Variants in TM6SF1 observed in about 807,000 individuals in gnomAD.
TM6SF1 encodes the protein transmembrane 6 superfamily member 1.
Under a neutral mutation model 47.1 loss-of-function variants are expected in TM6SF1, and 43 were observed. The observed-to-expected ratio is 0.91, with a 90% confidence interval of 0.72 to 1.18. The LOEUF is 1.18. Ranked by LOEUF, TM6SF1 falls within the 50% of genes most tolerant of loss-of-function variation. TM6SF1 has a pLI of 0.00. For missense variants in TM6SF1, 390 were observed against 449.0 expected (o/e 0.87, Z 1.19); for synonymous variants, 177 against 166.3 (o/e 1.06, Z -0.49).
At chr15:83,124,511 G>A (rs1002311029) in intron 6 of TM6SF1, among the ~76,000 whole-genome samples, 161 bp from the exon 7 acceptor site, 6 of 152,122 alleles carry the variant, frequency 3.9e-5, no homozygotes, top group African/African-American at 7.2e-5. Context: ...TGAGACTTGA[G>A]GAAGGAAATG....
At chr15:83,124,882 A>C (rs1038358790) in intron 7 of TM6SF1, 106 bp downstream of exon 7, 1 of 963,012 alleles carries the variant, frequency 1.0e-6, no homozygotes, top group African/African-American at 1.6e-5. Flanking sequence ...ACTTCTTAGC[A>C]AACTAACAAA....
intron 9 of TM6SF1, chr15:83,130,191 A>G (rs1447345253): frequency 1.3e-5 from 2 of 152,344 alleles, no homozygotes; most frequent in African/African-American, 4.8e-5. Context: ...AAACCTAGGC[A>G]AAAGCCTAGT....
intron 7 of TM6SF1, among the ~76,000 whole-genome samples, chr15:83,125,522 C>T (rs1596507480): frequency 6.6e-6 from 1 of 152,172 alleles, no homozygotes; most frequent in African/African-American, 2.4e-5. Flanking sequence ...AAATAATGTA[C>T]ATCAAACACT....
intron 9 of TM6SF1, chr15:83,129,193 C>T (rs1298143886): frequency 6.6e-6 from 1 of 152,198 alleles, no homozygotes; most frequent in Non-Finnish European, 1.5e-5. Flanking sequence ...TCCGCTGCCC[C>T]TACACTAGTC....
intron 9 of TM6SF1, chr15:83,135,798 C>A (rs187068224): frequency 1.3e-5 from 2 of 152,254 alleles, no homozygotes; most frequent in East Asian, 3.9e-4. Context: ...TGTACATTTG[C>A]CATTTTACAA....
chr15:83,110,858 T>C (rs973006617), intron 1 of TM6SF1, among the ~76,000 whole-genome samples: 1 of 152,190 alleles, frequency 6.6e-6, no homozygotes, highest in Non-Finnish European at 1.5e-5. Context: ...CATTCTTTTT[T>C]AAAAAATGTA....
At chr15:83,121,503 A>G (rs999865438) in intron 4 of TM6SF1, among the ~76,000 whole-genome samples, 6 of 152,232 alleles carry the variant, frequency 3.9e-5, no homozygotes, top group Admixed American at 6.5e-5. Context: ...GTGACCCCAG[A>G]AAAAGTCCAT....
Position 83,124,692 on chromosome 15 carries a change from GAA to G in TM6SF1, c.626_627del (p.Lys209ArgfsTer8). ...TTTAGGTTATTCAAGAAGCCCAAGC[GAA>G]AGACCTGCTGAGAAGACCATTTGAT... ...PSKVIQEAQA[K>X]DLLRRPFDLM... On this transcript the variant is annotated frameshift_variant, in exon 7 of 10. Transcript: ENST00000322019. LOFTEE classifies it high-confidence loss of function. The G allele has an allele frequency of 6.2e-7, 1 of 1,613,998 alleles. No individual in the cohort carries two copies. The highest frequency in any genetic ancestry group is 2.2e-5 in the East Asian group (1 of 44,862).
chr15:83,117,586 G>A (rs2034788348), intron 3 of TM6SF1, among the ~76,000 whole-genome samples: 2 of 152,074 alleles, frequency 1.3e-5, no homozygotes, highest in Admixed American at 6.5e-5. Context: ...GGAAGGAGGC[G>A]GCTGACGAGA....
At chr15:83,135,685 A>G (rs1315546321) in intron 9 of TM6SF1, 2 of 152,334 alleles carry the variant, frequency 1.3e-5, no homozygotes, top group African/African-American at 4.8e-5. Context: ...TGTTTTCTGA[A>G]TAAGTATATA....
chr15:83,116,341 T>C (rs1456497254), intron 3 of TM6SF1, among the ~76,000 whole-genome samples: 1 of 152,152 alleles, frequency 6.6e-6, no homozygotes, highest in Non-Finnish European at 1.5e-5. Context: ...ATGAAGTCAT[T>C]TGATTGTGAT....
chr15:83,113,070 T>C, intron 2 of TM6SF1, 170 bp downstream of exon 2: 1 of 628,984 alleles, frequency 1.6e-6, no homozygotes, highest in Non-Finnish European at 2.8e-6. Context: ...CTATTGCCTC[T>C]CAGGCAGTGG....
At chr15:83,121,237 A>T (rs1278220616) in intron 4 of TM6SF1, among the ~76,000 whole-genome samples, 2 of 139,480 alleles carry the variant, frequency 1.4e-5, no homozygotes, top group African/African-American at 2.6e-5. Context: ...TGCCCAGCTA[A>T]TTTTTTTTTT....
In TM6SF1 at chr15:83,107,646, G is replaced by T; in HGVS notation, c.-35G>T. 1 of 1,480,932 alleles carries T rather than the reference G, an allele frequency of 6.8e-7. No homozygotes were observed. Among genetic ancestry groups the T allele is most frequent in the Non-Finnish European group, 9.0e-7 (1 of 1,112,818 alleles). 91.7% of individuals were successfully genotyped at this position (1,480,932 alleles called of 1,614,324 possible). ...GGAAGCTGGGGCGGGGCGCCCAGCGGGATGCGGTGAAGGGCGAGCGGCGCG... is the reference window on the plus strand; with the variant it reads ...GGAAGCTGGGGCGGGGCGCCCAGCGTGATGCGGTGAAGGGCGAGCGGCGCG... On this transcript the variant is annotated 5_prime_UTR_variant, in exon 1 of 10. Transcript: ENST00000322019. This position sits in a 1 kb window ranked among gnomAD's most constrained non-coding sequence, Gnocchi z 5.6.
intron 1 of TM6SF1, 122 bp from the exon 2 acceptor site, chr15:83,112,675 C>T: frequency 1.3e-6 from 1 of 744,358 alleles, no homozygotes; most frequent in Middle Eastern, 3.2e-4. Context: ...GAGCTGCAGG[C>T]AGAGGCAGAA....
chr15:83,132,708 A>G (rs2036337289), intron 9 of TM6SF1: 1 of 152,110 alleles, frequency 6.6e-6, no homozygotes. Flanking sequence ...AGTAAATTTC[A>G]TACGGTTTTT....
intron 4 of TM6SF1, among the ~76,000 whole-genome samples, chr15:83,120,656 C>T (rs906233316): frequency 3.3e-5 from 5 of 150,876 alleles, no homozygotes; most frequent in Non-Finnish European, 5.9e-5. Flanking sequence ...CTGCAATCTC[C>T]GCCTCCCAGG....
At chr15:83,128,402 G>A (rs764341861) in intron 9 of TM6SF1, 1 of 152,154 alleles carries the variant, frequency 6.6e-6, no homozygotes, top group Admixed American at 6.5e-5. Flanking sequence ...AGAAGTAATG[G>A]TTCCTGTCCT....
chr15:83,108,400 A>T (rs1176300500), intron 1 of TM6SF1, among the ~76,000 whole-genome samples: 1 of 151,882 alleles, frequency 6.6e-6, no homozygotes, highest in Non-Finnish European at 1.5e-5. Context: ...TTCCACCGAG[A>T]CCTCTTTGTG....
Sources: gnomAD v4.1 joint callset for allele counts (sites outside exome capture counted in the v4.1 genomes callset) on GRCh38, gnomAD v4.1.1 for gene constraint, Gnocchi (gnomAD v3.1) non-coding constraint, MANE v1.5 for transcripts, NCBI Gene and HGNC (gene_info 2026-07-23, HGNC 2026-07-21) for gene names.